ZNF732: variants seen among roughly 807,000 people sequenced by gnomAD.
ZNF732 encodes zinc finger protein 732, also known as zinc finger protein LOC654254.
A neutral mutation model predicts 11.5 loss-of-function variants in ZNF732; 12 were observed. The observed-to-expected ratio is 1.05, with a 90% CI of 0.67 to 1.70. The LOEUF (loss-of-function observed/expected upper bound fraction) is 1.70. Among genes scored for constraint, ZNF732 ranks in the 40% most tolerant of loss-of-function variants. The pLI is 0.00. For missense variants in ZNF732, 702 were observed against 676.9 expected (o/e 1.04, Z -0.41); for synonymous variants, 231 against 236.5 (o/e 0.98, Z 0.21).
chr4:272,148 T>G lies in ZNF732; in HGVS notation c.709A>C (p.Asn237His). ...GTATGAACTTTATGTTTAGCAAAGT[T>G]TGAGGATGTGGTAAAGATGTTGCCA... Reference protein sequence around the residue: ...ECGNIFTTSSNFAKHKVHTGE... With the variant: ...ECGNIFTTSSHFAKHKVHTGE... Residue 237 changes from asparagine (N) to histidine (H), a missense_variant, in exon 4 of 4, where the codon AAC (asparagine) becomes CAC (histidine). This residue lies in a region of ZNF732 where 596 missense variants were observed against 557.9 expected (regional missense o/e 1.07). Transcript: ENST00000419098. The G allele has an allele frequency of 6.2e-7, 1 of 1,613,202 alleles. No homozygotes were observed. Among genetic ancestry groups the G allele is most frequent in the South Asian group, 1.1e-5 (1 of 91,008 alleles).
intron 3 of ZNF732, among the ~76,000 whole-genome samples, chr4:275,248 T>C (rs1719468745): frequency 1.3e-5 from 2 of 151,604 alleles, no homozygotes; most frequent in Admixed American, 6.6e-5. Context: ...AACTAAAAAA[T>C]TTACATATTT....
intron 3 of ZNF732, among the ~76,000 whole-genome samples, chr4:295,078 T>A (rs910234236): frequency 6.6e-6 from 1 of 150,650 alleles, no homozygotes; most frequent in Non-Finnish European, 1.5e-5. Flanking sequence ...ATTTTAGACA[T>A]GTACAAAAAG....
chr4:284,766 G>A (rs1167977251), intron 3 of ZNF732, among the ~76,000 whole-genome samples: 4 of 150,934 alleles, frequency 2.7e-5, no homozygotes, highest in Admixed American at 6.6e-5. Flanking sequence ...AGCTACTCGG[G>A]AGGCTGAGGC....
rs371854782 is a variant in ZNF732, at chr4:271,709, A to T, written c.1148T>A (p.Ile383Asn). 6.2e-7 allele frequency: 1 copy of T among 1,612,770 alleles called. No individual in the cohort carries two copies. Among genetic ancestry groups the T allele is most frequent in the Non-Finnish European group, 8.5e-7 (1 of 1,179,330 alleles). ...QSATLNKHKSIHTGEKPYTCE... is the reference protein window; with the variant it reads ...QSATLNKHKSNHTGEKPYTCE... ...TGTGTAGGGTTTCTCTCCAGTATGA[A>T]TACTCTTATGTTTATTAAGGGTTGC... Residue 383 changes from isoleucine (I) to asparagine (N), a missense_variant, in exon 4 of 4, where the codon ATT (isoleucine) becomes AAT (asparagine). Physicochemically the swap from Ile to Asn is moderately radical, Grantham distance 149. Transcript: ENST00000419098.
At position 272,143 on chromosome 4, in the gene ZNF732, A is replaced by G; in HGVS notation, c.714T>C (p.Phe238=). ...CTCCAGTATGAACTTTATGTTTAGC[A>G]AAGTTTGAGGATGTGGTAAAGATGT... ...CGNIFTTSSN[F]AKHKVHTGEK... The change falls in exon 4 of 4, where the codon TTT becomes TTC. Residue 238 remains phenylalanine, a synonymous_variant. Coordinates refer to ENST00000419098, the MANE Select transcript of ZNF732 (RefSeq NM_001137608.3). The G allele has an allele frequency of 6.2e-7, 1 of 1,613,196 alleles. No homozygotes were observed. Among genetic ancestry groups the G allele is most frequent in the Non-Finnish European group, 8.5e-7 (1 of 1,179,586 alleles).
chr4:272,654 T>A, intron 3 of ZNF732, 24 bp from the exon 4 acceptor site: 1 of 1,475,828 alleles, frequency 6.8e-7, no homozygotes, highest in Admixed American at 2.5e-5. Context: ...AAATAAATTA[T>A]CCTGCTTACT....
chr4:286,935 G>C lies in ZNF732; in HGVS notation c.226+8503C>G, dbSNP rs562710329. On this transcript the variant is annotated intron_variant, in intron 3 of 3. Transcript: ENST00000419098. ...TGGGAGGCCAAGGTGGGCGGATCAC[G>C]GGGTCAGGAGATCAAGACCATTCTG... Among the ~76,000 whole-genome samples, 56 of 152,216 alleles carry C rather than the reference G, an allele frequency of 3.7e-4. 1 individual carries two copies. Among genetic ancestry groups the C allele is most frequent in the South Asian group, 1.0e-3 (5 of 4,822 alleles).
At chr4:297,435 C>G (rs1553842558) in intron 1 of ZNF732, among the ~76,000 whole-genome samples, 1 of 151,948 alleles carries the variant, frequency 6.6e-6, no homozygotes, top group Non-Finnish European at 1.5e-5. Flanking sequence ...TCCAATACTT[C>G]CCAGGATTTA....
chr4:286,905 C>T (rs1264774206), intron 3 of ZNF732, among the ~76,000 whole-genome samples: 4 of 152,174 alleles, frequency 2.6e-5, no homozygotes, highest in Non-Finnish European at 2.9e-5. Flanking sequence ...GTAATCCCAG[C>T]AGTTTGGGAG....
At chr4:278,782 G>A (rs75824078) in intron 3 of ZNF732, among the ~76,000 whole-genome samples, 7 of 152,270 alleles carry the variant, frequency 4.6e-5, no homozygotes, top group African/African-American at 9.6e-5. Flanking sequence ...GAAGGGTGGC[G>A]GACTCTGGAG....
chr4:272,453 G>C lies in ZNF732; in HGVS notation c.404C>G (p.Thr135Ser). 1 of 1,600,550 alleles carries C rather than the reference G, an allele frequency of 6.2e-7. No individual in the cohort carries two copies. Among genetic ancestry groups the C allele is most frequent in the Non-Finnish European group, 8.5e-7 (1 of 1,172,536 alleles). ...GYNEFNQCLSTIQSKIFQCNV... is the reference protein window; with the variant it reads ...GYNEFNQCLSSIQSKIFQCNV... ...ACACTGAAATATTTTGCTCTGGATAGTTGACAAGCATTGATTAAATTCATT... is the reference window on the plus strand; with the variant it reads ...ACACTGAAATATTTTGCTCTGGATACTTGACAAGCATTGATTAAATTCATT... Residue 135 changes from threonine (T) to serine (S), a missense_variant, in exon 4 of 4, where the codon ACT becomes AGT. By Grantham distance (58) the Thr-to-Ser change is moderately conservative. Around this residue, in one of 3 missense-constraint regions of ZNF732, gnomAD observed 596 missense variants for 557.9 expected, o/e 1.07. Coordinates refer to ENST00000419098, the MANE Select transcript of ZNF732 (RefSeq NM_001137608.3).
At position 299,342 on chromosome 4, in the gene ZNF732, AGTATATATACACATATATACACATATGT is replaced by A. The variant is rs1553843052; in HGVS notation, c.4-3215_4-3188del. Among the ~76,000 whole-genome samples, 171 of 93,574 alleles carry A rather than the reference AGTATATATACACATATATACACATATGT, an allele frequency of 1.8e-3. 1 individual carries two copies. Among genetic ancestry groups the A allele is most frequent in the Non-Finnish European group, 2.8e-3 (124 of 43,980 alleles). 61.4% of individuals were successfully genotyped at this position (93,574 alleles called of 152,430 possible). Reference sequence around the variant, plus strand: ...TACGCTCCAATTAGAAGCAGTTATGAGTATATATACACATATATACACATATGTGTATATATATATACACATATGTACA... The same window carrying A: ...TACGCTCCAATTAGAAGCAGTTATGAGTATATATATATACACATATGTACA... On this transcript the variant is annotated intron_variant, in intron 1 of 3. Transcript: ENST00000419098.
At chr4:275,896 G>A (rs1719484586) in intron 3 of ZNF732, among the ~76,000 whole-genome samples, 1 of 151,646 alleles carries the variant, frequency 6.6e-6, no homozygotes, top group South Asian at 2.1e-4. Flanking sequence ...TGTGTAGAGT[G>A]AGAAAACAGA....
chr4:289,801 A>G (rs1719803547), intron 3 of ZNF732, among the ~76,000 whole-genome samples: 1 of 152,220 alleles, frequency 6.6e-6, no homozygotes. Flanking sequence ...GGATGGTACT[A>G]AACGATTCAT....
intron 3 of ZNF732, among the ~76,000 whole-genome samples, chr4:275,932 T>G (rs1366317291): frequency 4.0e-5 from 6 of 151,730 alleles, no homozygotes; most frequent in African/African-American, 1.4e-4. Context: ...TATTGAGTGT[T>G]AGCTTTGCAA....
intron 3 of ZNF732, among the ~76,000 whole-genome samples, chr4:286,374 T>C (rs1375006483): frequency 6.6e-6 from 1 of 152,232 alleles, no homozygotes; most frequent in Non-Finnish European, 1.5e-5. Flanking sequence ...AATTTACACA[T>C]CCATATTCAT....
intron 3 of ZNF732, among the ~76,000 whole-genome samples, chr4:294,235 C>T (rs530388525): frequency 6.6e-6 from 1 of 152,154 alleles, no homozygotes; most frequent in Non-Finnish European, 1.5e-5. Flanking sequence ...TTCTTAACCT[C>T]GTGATCCACC....
At chr4:279,646 T>G (rs1309573828) in intron 3 of ZNF732, among the ~76,000 whole-genome samples, 1 of 152,168 alleles carries the variant, frequency 6.6e-6, no homozygotes, top group African/African-American at 2.4e-5. Flanking sequence ...ATAATGTAAA[T>G]GTACTTAACT....
At chr4:302,475 G>C (rs1255612374) in intron 1 of ZNF732, among the ~76,000 whole-genome samples, 1 of 152,080 alleles carries the variant, frequency 6.6e-6, no homozygotes, top group Non-Finnish European at 1.5e-5. Context: ...AGTAATCTGA[G>C]AACTCATCTG....
Sources: gnomAD v4.1 joint callset for allele counts (sites outside exome capture counted in the v4.1 genomes callset) on GRCh38, gnomAD v4.1.1 for gene constraint, gnomAD v4.1.1 regional missense constraint, MANE v1.5 for transcripts, NCBI Gene and HGNC (gene_info 2026-07-23, HGNC 2026-07-21) for gene names.